KLHL17: variants seen among roughly 807,000 people sequenced by gnomAD.
KLHL17 encodes kelch-like protein 17.
KLHL17 carries 71 observed loss-of-function variants against 64.6 expected under a neutral mutation model. That is an observed-to-expected ratio of 1.10 (90% CI 0.91 to 1.34). KLHL17 has a LOEUF of 1.34. Ranked by LOEUF, KLHL17 falls within the 40% of genes most tolerant of loss-of-function variation. The pLI, the probability that KLHL17 is intolerant of heterozygous loss-of-function variation, is 0.00. For synonymous variants in KLHL17, 612 were observed against 405.4 expected (o/e 1.51, Z -6.12); for missense variants, 1,140 against 935.0 (o/e 1.22, Z -2.86).
At chr1:962,188 G>A in intron 4 of KLHL17, 141 bp downstream of exon 4, 1 of 1,293,250 alleles carries the variant, frequency 7.7e-7, no homozygotes, top group African/African-American at 1.5e-5. Flanking sequence ...GACCTTTCTG[G>A]ATCTGGGCCC....
chr1:962,178 G>A (rs777142655), intron 4 of KLHL17, 131 bp downstream of exon 4: 1 of 1,272,154 alleles, frequency 7.9e-7, no homozygotes. Flanking sequence ...GTGTCCCCGA[G>A]ACCTTTCTGG....
intron 1 of KLHL17, 76 bp downstream of exon 1, chr1:960,876 AAGGGGCGGGGGCCGCTTCCG>A: frequency 1.1e-6 from 1 of 952,280 alleles, no homozygotes; most frequent in Non-Finnish European, 1.3e-6. Context: ...CCGCTCGCAG[AAGGGGCGGGGGCCGCTTCCG>A]AGGGCCGGGG....
intron 4 of KLHL17, 92 bp from the exon 5 acceptor site, chr1:962,263 C>A: frequency 2.4e-5 from 38 of 1,595,544 alleles, no homozygotes; most frequent in Non-Finnish European, 3.2e-5. Flanking sequence ...ACTCAGCCCC[C>A]ACCTGCTAAC....
rs779781499 is a variant in KLHL17 at position 962,110 on chromosome 1, C to T, written c.711+63C>T. ...ACCCCACCCCAGTCTTTGTCTTTGA[C>T]TCCCGACCCCGTTTTGTTCCTGACA... On this transcript the variant is annotated intron_variant, in intron 4 of 11. Coordinates refer to ENST00000338591, the MANE Select transcript of KLHL17 (RefSeq NM_198317.3). 5.5e-5 allele frequency: 66 copies of T among 1,192,770 alleles called. 1 individual carries two copies. The highest frequency in any genetic ancestry group is 3.1e-4 in the South Asian group (24 of 76,668). The allele number at this position is 1,192,770 out of a possible 1,614,324, so 73.9% of individuals were successfully genotyped here.
intron 11 of KLHL17, 91 bp from the exon 12 acceptor site, chr1:964,872 G>T: frequency 9.9e-7 from 1 of 1,012,976 alleles, no homozygotes. Flanking sequence ...CAACCTCAGC[G>T]AGCATGTCCC....
At position 962,001 on chromosome 1, in the gene KLHL17, T is replaced by C. The variant is rs749312698; in HGVS notation, c.665T>C (p.Val222Ala). 3 of 1,612,890 alleles carry C rather than the reference T, an allele frequency of 1.9e-6. No individual in the cohort carries two copies. The highest frequency in any genetic ancestry group is 2.5e-6 in the Non-Finnish European group (3 of 1,180,008). ...CACAGGTACGTGCTGCAGCACTTCG[T>C]GGACGTGGCCAAGACCGAGGAGTTT... ...AAHRYVLQHF[V>A]DVAKTEEFML... The change falls in exon 4 of 12, where the codon GTG (valine) becomes GCG (alanine). Residue 222 changes from valine (V) to alanine (A), a missense_variant. Coordinates refer to ENST00000338591, the MANE Select transcript of KLHL17 (RefSeq NM_198317.3).
In KLHL17 at chr1:963,485, G is replaced by T; in HGVS notation, c.1336G>T (p.Gly446Trp). ...CCTGTACTCGGCCGGCGGCTATGAC[G>T]GGGCCTCCTGCCTGAACAGGTAGTT... ...GLLYSAGGYD[G>W]ASCLNSAERY... The change falls in exon 8 of 12, where the codon GGG (glycine) becomes TGG (tryptophan). Residue 446 changes from glycine to tryptophan, a missense_variant. By Grantham distance (184) the Gly-to-Trp change is radical. Transcript: ENST00000338591. 6.2e-7 allele frequency: 1 copy of T among 1,609,440 alleles called. No individual in the cohort carries two copies. The highest frequency in any genetic ancestry group is 8.5e-7 in the Non-Finnish European group (1 of 1,177,732).
intron 2 of KLHL17, 28 bp from the exon 3 acceptor site, chr1:961,601 C>T (rs1642650483): frequency 2.5e-6 from 4 of 1,612,766 alleles, no homozygotes; most frequent in Non-Finnish European, 3.4e-6. Context: ...TCCCTCGGGT[C>T]AGCTCGTGTA....
Position 965,258 on chromosome 1 carries a change from C to A in KLHL17, c.*67C>A. The A allele has an allele frequency of 1.5e-6, 2 of 1,300,886 alleles. No homozygotes were observed. The highest frequency in any genetic ancestry group is 2.2e-6 in the Non-Finnish European group (2 of 921,706). The allele number at this position is 1,300,886 out of a possible 1,614,324, so 80.6% of individuals were successfully genotyped here. ...AGGGGACCGTGGCCCCCACCAGGGA[C>A]GTCCTGCGCCATCCGTTCACGTCTC... is the stretch of plus-strand genomic sequence containing the variant. On this transcript the variant is annotated 3_prime_UTR_variant, in exon 12 of 12. Transcript: ENST00000338591.
intron 10 of KLHL17, 80 bp from the exon 11 acceptor site, chr1:964,269 A>C: frequency 6.3e-7 from 1 of 1,587,158 alleles, no homozygotes; most frequent in Non-Finnish European, 8.6e-7. Context: ...CATTCCTGAC[A>C]CCCCACCCTG....
chr1:960,945 G>GT (rs1469670984), intron 1 of KLHL17, 145 bp downstream of exon 1: 1 of 557,782 alleles, frequency 1.8e-6, no homozygotes, highest in Non-Finnish European at 2.3e-6. Flanking sequence ...TCGGCCCGGA[G>GT]TAGGTTCCCC....
chr1:962,571 TG>T (rs34579778), intron 5 of KLHL17, 100 bp downstream of exon 5: 33 of 1,536,608 alleles, frequency 2.1e-5, no homozygotes, highest in Non-Finnish European at 2.7e-5. Context: ...AGGGACTCCG[TG>T]GGGGTGGTGC....
At chr1:964,034 G>A (rs772206605) in intron 9 of KLHL17, 26 bp downstream of exon 9, 4 of 1,612,274 alleles carry the variant, frequency 2.5e-6, no homozygotes, top group Admixed American at 1.7e-5. Context: ...TGCCTGGGGG[G>A]CATCCCCACC....
rs1403416722 is a variant in KLHL17 at position 960,674 on chromosome 1, G to T, written c.-20G>T. 11 of 1,370,662 alleles carry T rather than the reference G, an allele frequency of 8.0e-6. No individual in the cohort carries two copies. The highest frequency in any genetic ancestry group is 1.5e-5 in the African/African-American group (1 of 65,198). 84.9% of individuals were successfully genotyped at this position (1,370,662 alleles called of 1,614,324 possible). On this transcript the variant is annotated 5_prime_UTR_variant, in exon 1 of 12. Transcript: ENST00000338591. Reference sequence around the variant, plus strand: ...AAGCCCGCGGGTCCTCCGCGAATCGGCGGTGGGTCCGGCAGCCGAATGCAG... The same window carrying T: ...AAGCCCGCGGGTCCTCCGCGAATCGTCGGTGGGTCCGGCAGCCGAATGCAG...
chr1:960,753 G>A lies in KLHL17; in HGVS notation c.60G>A (p.Pro20=), dbSNP rs759596084. ...CGCAGAGCCCGGAGCACGGCAGCCC[G>A]GGGCCCGGGCCCGAGGCGCCGCCGC... ...GRTQSPEHGS[P]GPGPEAPPPP... The change falls in exon 1 of 12, where the codon CCG becomes CCA. Residue 20 remains proline (P), a synonymous_variant. Coordinates refer to ENST00000338591, the MANE Select transcript of KLHL17 (RefSeq NM_198317.3). 20 of 1,188,422 alleles carry A rather than the reference G, an allele frequency of 1.7e-5. 1 individual carries two copies. The South Asian group carries it at 5.1e-4, about 30-fold the overall frequency. 73.6% of individuals were successfully genotyped at this position (1,188,422 alleles called of 1,614,324 possible).
intron 8 of KLHL17, 37 bp from the exon 9 acceptor site, chr1:963,883 C>T (rs1642767924): frequency 6.2e-7 from 1 of 1,603,734 alleles, no homozygotes; most frequent in Non-Finnish European, 8.5e-7. Context: ...GCCTTTCTGT[C>T]TCTGCTGAGC....
intron 4 of KLHL17, 103 bp downstream of exon 4, chr1:962,150 A>G: frequency 1.6e-6 from 2 of 1,243,980 alleles, no homozygotes; most frequent in Non-Finnish European, 2.2e-6. Context: ...CCTGCCCACA[A>G]TCCTTAGTGC....
At position 961,745 on chromosome 1, in the gene KLHL17, G is replaced by A. The variant is rs1324406382; in HGVS notation, c.484G>A (p.Val162Met). The change falls in exon 3 of 12, where the codon GTG becomes ATG. Residue 162 changes from valine (V) to methionine (M), a missense_variant. By Grantham distance (21) the Val-to-Met change is conservative (BLOSUM62 1). Coordinates refer to ENST00000338591, the MANE Select transcript of KLHL17 (RefSeq NM_198317.3). ...TAEIVVGEGN[V>M]QTLLPAASLL... is the part of the protein sequence containing the mutation. ...TGAGATTGTGGTGGGCGAGGGCAAT[G>A]TGCAGGTGAGGGCTCCCTCACCCGG... 2 of 1,611,812 alleles carry A rather than the reference G, an allele frequency of 1.2e-6. No individual in the cohort carries two copies. Among genetic ancestry groups the A allele is most frequent in the Non-Finnish European group, 1.7e-6 (2 of 1,179,514 alleles).
rs202197043 is a variant in KLHL17 at position 963,169 on chromosome 1, G to A, written c.1103G>A (p.Arg368His). Reference protein sequence around the residue: ...DCEAYDTRTDRWHVVASMSTR... With the variant: ...DCEAYDTRTDHWHVVASMSTR... ...GAGGCCTACGACACGCGCACCGACC[G>A]CTGGCACGTGGTGGCCTCCATGTCC... is the stretch of plus-strand genomic sequence containing the variant. Residue 368 changes from arginine to histidine, a missense_variant, in exon 7 of 12, where the codon CGC becomes CAC. Coordinates refer to ENST00000338591, the MANE Select transcript of KLHL17 (RefSeq NM_198317.3). The A allele has an allele frequency of 9.3e-6, 15 of 1,610,230 alleles. No individual in the cohort carries two copies. The highest frequency in any genetic ancestry group is 1.7e-5 in the Admixed American group (1 of 59,902).
Sources: allele counts gnomAD v4.1 joint callset, GRCh38; gene constraint gnomAD v4.1.1; transcripts MANE v1.5; gene names NCBI Gene and HGNC (gene_info 2026-07-23, HGNC 2026-07-21).